Variants in HMGB1 observed in about 807,000 individuals in gnomAD.
HMGB1 encodes high mobility group box 1.
For synonymous variants in HMGB1, 81 were observed against 84.0 expected, an observed-to-expected ratio of 0.96 and a Z score of 0.19; for missense variants, 79 against 253.5, an observed-to-expected ratio of 0.31 and a Z score of 4.67.
At chr13:30,532,532 G>T (rs547200825) in intron 1 of HMGB1, among the ~76,000 whole-genome samples, 2 of 151,174 alleles carry the variant, frequency 1.3e-5, no homozygotes, top group African/African-American at 4.9e-5. Flanking sequence ...TTTTTGAGAC[G>T]GAGTCTCACT....
chr13:30,462,810 T>C, intron 3 of HMGB1, 98 bp from the exon 4 acceptor site: 1 of 937,148 alleles, frequency 1.1e-6, no homozygotes, highest in South Asian at 1.5e-5. Context: ...TGCCTGTGAA[T>C]TTCTGTGATG....
At chr13:30,496,284 C>T (rs1887608198) in intron 1 of HMGB1, among the ~76,000 whole-genome samples, 1 of 152,186 alleles carries the variant, frequency 6.6e-6, no homozygotes, top group Non-Finnish European at 1.5e-5. Context: ...CACACCAGTC[C>T]TCCCTCCAGG....
intron 1 of HMGB1, among the ~76,000 whole-genome samples, chr13:30,585,340 A>T (rs2137546825): frequency 6.6e-6 from 1 of 151,384 alleles, no homozygotes; most frequent in East Asian, 1.9e-4. Flanking sequence ...ACAGAAAACA[A>T]AACAAACAAA....
intron 1 of HMGB1, among the ~76,000 whole-genome samples, chr13:30,496,377 C>T (rs1181898628): frequency 1.3e-5 from 2 of 152,246 alleles, no homozygotes; most frequent in Non-Finnish European, 2.9e-5. Flanking sequence ...CAGCCTGGCA[C>T]ATGGGCCTCC....
At chr13:30,502,139 G>C (rs1051080110) in intron 1 of HMGB1, among the ~76,000 whole-genome samples, 2 of 152,162 alleles carry the variant, frequency 1.3e-5, no homozygotes, top group Admixed American at 6.5e-5. Context: ...TTAAAAATTA[G>C]AAAGTTTGAG....
At chr13:30,527,114 C>T (rs1053890146) in intron 1 of HMGB1, among the ~76,000 whole-genome samples, 3 of 152,196 alleles carry the variant, frequency 2.0e-5, no homozygotes, top group African/African-American at 2.4e-5. Context: ...GAGCAGGGGC[C>T]GCAGCGGCTG....
chr13:30,531,366 G>A (rs1004397803), intron 1 of HMGB1, among the ~76,000 whole-genome samples: 2 of 152,128 alleles, frequency 1.3e-5, no homozygotes, highest in African/African-American at 4.8e-5. Flanking sequence ...TAAAAAAAGA[G>A]GGTATGTATT....
chr13:30,576,373 G>A (rs1291356716), intron 1 of HMGB1, among the ~76,000 whole-genome samples: 1 of 151,668 alleles, frequency 6.6e-6, no homozygotes, highest in African/African-American at 2.4e-5. Context: ...ATCTCTTTTG[G>A]TCCTACTGGG....
intron 1 of HMGB1, among the ~76,000 whole-genome samples, chr13:30,525,731 C>T (rs75529253): frequency 7.1e-6 from 1 of 140,502 alleles, no homozygotes; most frequent in African/African-American, 2.6e-5. Flanking sequence ...AAAAAAAAAC[C>T]ATCAGGTCTC....
At chr13:30,599,462 CTG>C (rs1871765036) in intron 1 of HMGB1, among the ~76,000 whole-genome samples, 1 of 152,122 alleles carries the variant, frequency 6.6e-6, no homozygotes, top group Non-Finnish European at 1.5e-5. Context: ...GAGCAAAACT[CTG>C]TCTCAAAAAC....
chr13:30,504,994 A>G (rs1238134546), intron 1 of HMGB1, among the ~76,000 whole-genome samples: 1 of 151,972 alleles, frequency 6.6e-6, no homozygotes, highest in Non-Finnish European at 1.5e-5. Flanking sequence ...TTTTTGAGAG[A>G]GAGTCTCACT....
rs1886175395 is a variant in HMGB1, at chr13:30,459,524, C to A, written c.*1833G>T. ...TCATTTGCTCCTCTTAACAAAAAAT[C>A]TGATGTTCGACACAATTGCAGCCTA... is the stretch of plus-strand genomic sequence containing the variant. On this transcript the variant is annotated 3_prime_UTR_variant, in exon 5 of 5. Transcript: ENST00000341423. The A allele has an allele frequency of 6.6e-6, 1 of 152,152 alleles. No homozygotes were observed. Among genetic ancestry groups the A allele is most frequent in the Non-Finnish European group, 1.5e-5 (1 of 68,022 alleles). The allele number at this position is 152,152 out of a possible 1,614,324, so 9.4% of individuals were successfully genotyped here. A position where few individuals can be genotyped will look rare whatever the true frequency, so the allele number is the denominator to read the frequency against.
exon 1 of HMGB1, chr13:30,617,182 T>G (rs1168942573): frequency 6.6e-6 from 1 of 152,110 alleles, no homozygotes; most frequent in East Asian, 1.9e-4. Context: ...GGTCGTGGAA[T>G]GCAAAGTCCC....
intron 1 of HMGB1, among the ~76,000 whole-genome samples, chr13:30,572,708 C>T (rs1001680880): frequency 2.0e-5 from 3 of 152,190 alleles, no homozygotes; most frequent in African/African-American, 4.8e-5. Context: ...CATTTTAATA[C>T]ATTTCTGCTT....
At chr13:30,480,591 G>A (rs1466668187) in intron 1 of HMGB1, among the ~76,000 whole-genome samples, 5 of 152,174 alleles carry the variant, frequency 3.3e-5, no homozygotes, top group African/African-American at 4.8e-5. Context: ...CAGGAGCAGT[G>A]TGGGTGATGT....
intron 1 of HMGB1, among the ~76,000 whole-genome samples, chr13:30,474,951 C>CTT (rs1887041427): frequency 2.8e-4 from 8 of 28,092 alleles, no homozygotes; most frequent in Non-Finnish European, 3.9e-4. Context: ...TTTTTCTTTT[C>CTT]TTTTTTTGTT....
chr13:30,466,142 C>A (rs777077155), upstream of HMGB1, among the ~76,000 whole-genome samples: 128 of 152,320 alleles, frequency 8.4e-4, 1 homozygote, highest in Admixed American at 1.5e-3. Context: ...GAGGCAGAGG[C>A]AGCAGCTGCT....
intron 4 of HMGB1, 103 bp from the exon 5 acceptor site, chr13:30,461,636 T>C (rs1472864110): frequency 1.3e-6 from 2 of 1,586,886 alleles, no homozygotes; most frequent in Admixed American, 1.8e-5. Context: ...ATTCTAGTTA[T>C]ACCAAAATAT....
At chr13:30,554,893 TC>T (rs1257566251) in intron 1 of HMGB1, among the ~76,000 whole-genome samples, 1 of 152,104 alleles carries the variant, frequency 6.6e-6, no homozygotes, top group Non-Finnish European at 1.5e-5. Context: ...TGAAGCCCAC[TC>T]CAGAAACTAA....
Sources: allele counts gnomAD v4.1 joint callset (sites outside exome capture counted in the v4.1 genomes callset), GRCh38; gene constraint gnomAD v4.1.1; transcripts MANE v1.5; gene names NCBI Gene and HGNC (gene_info 2026-07-23, HGNC 2026-07-21).